The following CA8 variants were observed in gnomAD, a reference collection of about 807,000 sequenced individuals.
The protein encoded by CA8 is carbonic anhydrase-related protein.
In CA8, 22 loss-of-function variants were observed where a neutral mutation model predicts 41.4. The ratio of observed to expected loss-of-function variants is 0.53; its 90% confidence interval spans 0.38 to 0.76. CA8 has a LOEUF of 0.76. CA8 is among the 30% of genes least tolerant of loss of function. CA8 has a pLI of 0.00. For missense variants in CA8, 270 were observed against 352.8 expected, an observed-to-expected ratio of 0.77 and a Z score of 1.88; for synonymous variants, 121 against 130.6, an observed-to-expected ratio of 0.93 and a Z score of 0.50.
chr8:60,236,472 C>T (rs1188860816), intron 3 of CA8, among the ~76,000 whole-genome samples: 2 of 152,088 alleles, frequency 1.3e-5, no homozygotes, highest in Non-Finnish European at 2.9e-5. Context: ...CTGACTAATA[C>T]AGATCATGCA....
At chr8:60,280,304 G>A (rs760495229) in intron 1 of CA8, among the ~76,000 whole-genome samples, 1 of 152,138 alleles carries the variant, frequency 6.6e-6, no homozygotes, top group Non-Finnish European at 1.5e-5. Flanking sequence ...GTAAATAGAC[G>A]CCCCTTATCA....
intron 2 of CA8, among the ~76,000 whole-genome samples, chr8:60,273,164 G>GT (rs1804124330): frequency 1.3e-5 from 2 of 152,196 alleles, no homozygotes; most frequent in South Asian, 4.1e-4. Flanking sequence ...AGGCTGTCAT[G>GT]TGAGCAACAG....
intron 3 of CA8, among the ~76,000 whole-genome samples, chr8:60,238,908 G>T (rs1053782817): frequency 6.6e-6 from 1 of 152,028 alleles, no homozygotes; most frequent in Admixed American, 6.6e-5. Context: ...AGGCACTGAT[G>T]GGCATTTGAC....
chr8:60,225,737 T>C (rs1807415801), intron 5 of CA8, among the ~76,000 whole-genome samples: 1 of 152,186 alleles, frequency 6.6e-6, no homozygotes, highest in African/African-American at 2.4e-5. Context: ...CTGCTCTGTA[T>C]CTCCAGCAGC....
chr8:60,275,931 CATG>C (rs1804218193), intron 2 of CA8, among the ~76,000 whole-genome samples: 1 of 152,186 alleles, frequency 6.6e-6, no homozygotes. Flanking sequence ...GCAATGTAAT[CATG>C]ATGTCAAACA....
At chr8:60,198,226 TCA>T (rs2130389788) in intron 8 of CA8, among the ~76,000 whole-genome samples, 1 of 152,298 alleles carries the variant, frequency 6.6e-6, no homozygotes, top group Admixed American at 6.5e-5. Flanking sequence ...CATCTCAGCC[TCA>T]GTTTCTTTAT....
intron 8 of CA8, among the ~76,000 whole-genome samples, chr8:60,206,099 A>T (rs1806567701): frequency 1.3e-5 from 2 of 152,198 alleles, no homozygotes; most frequent in African/African-American, 4.8e-5. Flanking sequence ...AGTATTCATA[A>T]AAAAATGAAA....
intron 8 of CA8, chr8:60,208,450 A>G (rs1806716848): frequency 5.6e-6 from 2 of 358,714 alleles, no homozygotes; most frequent in African/African-American, 4.2e-5. Context: ...CTAAAGAGGT[A>G]TGCATGCATG....
At chr8:60,208,356 C>T in intron 8 of CA8, 2 of 229,310 alleles carry the variant, frequency 8.7e-6, no homozygotes, top group Non-Finnish European at 1.7e-5. Flanking sequence ...CTGAGGCTCA[C>T]ACGCTCCCCA....
intron 3 of CA8, among the ~76,000 whole-genome samples, chr8:60,261,112 C>T (rs1035706531): frequency 2.0e-5 from 3 of 151,910 alleles, no homozygotes; most frequent in Admixed American, 1.3e-4. Flanking sequence ...GGATATCTGG[C>T]GACCTGGCAC....
rs752585501 is a variant in CA8, at chr8:60,226,891, G to A, written c.558C>T (p.Leu186=). ...HVGLKAVTEI[L]QDIQYKGKSK... is the part of the protein sequence containing the mutation. Reference sequence around the variant, plus strand: ...GACTTACCTTATACTGAATATCTTGGAGGATTTCAGTCACAGCCTTCAAGC... The same window carrying A: ...GACTTACCTTATACTGAATATCTTGAAGGATTTCAGTCACAGCCTTCAAGC... The change falls in exon 5 of 9, where the codon CTC becomes CTT. Residue 186 remains leucine, a synonymous_variant. Coordinates refer to ENST00000317995, the MANE Select transcript of CA8 (RefSeq NM_004056.6). The A allele has an allele frequency of 4.4e-6, 7 of 1,595,028 alleles. No individual in the cohort carries two copies. In the African/African-American group the frequency reaches 9.4e-5, roughly 21 times the overall value.
At chr8:60,250,755 T>G (rs1808413622) in intron 3 of CA8, among the ~76,000 whole-genome samples, 1 of 152,210 alleles carries the variant, frequency 6.6e-6, no homozygotes, top group Non-Finnish European at 1.5e-5. Context: ...AGACATTCAA[T>G]AAATATTTAG....
At chr8:60,270,936 A>T (rs927891333) in intron 2 of CA8, among the ~76,000 whole-genome samples, 2 of 152,228 alleles carry the variant, frequency 1.3e-5, no homozygotes, top group African/African-American at 4.8e-5. Context: ...GGTAGAGATC[A>T]TAACAATAGC....
chr8:60,262,080 G>A (rs1490275805), intron 3 of CA8, among the ~76,000 whole-genome samples: 2 of 152,176 alleles, frequency 1.3e-5, no homozygotes, highest in Admixed American at 1.3e-4. Context: ...CTGGAATTAT[G>A]AGAGTAGCTA....
Position 60,186,483 on chromosome 8 carries a change from T to A in CA8, c.*3538A>T, listed in dbSNP as rs1805968257. 6.7e-6 allele frequency among the ~76,000 whole-genome samples: 1 copy of A among 148,650 alleles called. No homozygotes were observed. The highest frequency in any genetic ancestry group is 2.0e-4 in the East Asian group (1 of 5,012). ...TAAAAAAAAAGTAATAGAGGAGGAATAAAGGAACAACAACAAAAAGATACA... is the reference window on the plus strand; with the variant it reads ...TAAAAAAAAAGTAATAGAGGAGGAAAAAAGGAACAACAACAAAAAGATACA... On this transcript the variant is annotated 3_prime_UTR_variant, in exon 9 of 9. Coordinates refer to ENST00000317995, the MANE Select transcript of CA8 (RefSeq NM_004056.6).
intron 3 of CA8, among the ~76,000 whole-genome samples, chr8:60,246,812 T>C (rs1449651139): frequency 1.3e-5 from 2 of 151,914 alleles, no homozygotes; most frequent in Admixed American, 6.6e-5. Flanking sequence ...AATTTCCTGT[T>C]AAGCCTTTAA....
chr8:60,220,627 T>A (rs931342740), intron 7 of CA8, among the ~76,000 whole-genome samples: 1 of 152,146 alleles, frequency 6.6e-6, no homozygotes, highest in Non-Finnish European at 1.5e-5. Context: ...ATCTCCCCCA[T>A]CTCCACTGCA....
rs917437861 is a variant in CA8, at chr8:60,281,347, C to G, written c.-200G>C. 5 of 577,648 alleles carry G rather than the reference C, an allele frequency of 8.7e-6. No homozygotes were observed. Among genetic ancestry groups the G allele is most frequent in the African/African-American group, 7.8e-5 (4 of 51,166 alleles). 35.8% of individuals were successfully genotyped at this position (577,648 alleles called of 1,614,324 possible). A position where few individuals can be genotyped will look rare whatever the true frequency, so the allele number is the denominator to read the frequency against. The stretch of plus-strand genomic sequence containing the variant: ...GTTCGGACCGAGTGTTCCAGAGACC[C>G]GCGTGGGAAGCGCGTCCGGAGGCCC... On this transcript the variant is annotated 5_prime_UTR_variant, in exon 1 of 9. Transcript: ENST00000317995.
At chr8:60,261,773 G>A (rs1461790268) in intron 3 of CA8, among the ~76,000 whole-genome samples, 8 of 152,128 alleles carry the variant, frequency 5.3e-5, no homozygotes, top group South Asian at 2.1e-4. Context: ...GTGCAGTGGC[G>A]TGATGGTGGC....
Sources: gnomAD v4.1 joint callset for allele counts (sites outside exome capture counted in the v4.1 genomes callset) on GRCh38, gnomAD v4.1.1 for gene constraint, MANE v1.5 for transcripts, NCBI Gene and HGNC (gene_info 2026-07-23, HGNC 2026-07-21) for gene names.